The following DNER variants were observed in gnomAD, a reference collection of about 807,000 sequenced individuals.
DNER encodes the protein delta/notch like EGF repeat containing, also known as delta and Notch-like epidermal growth factor-related receptor.
Under a neutral mutation model 78.2 loss-of-function variants are expected in DNER, and 33 were observed. That is an observed-to-expected ratio of 0.42 (90% CI 0.32 to 0.56). The LOEUF (loss-of-function observed/expected upper bound fraction) is 0.56, where lower values mean the gene tolerates loss of function less well. DNER is among the 20% of genes least tolerant of loss of function. DNER has a pLI of 0.11. For missense variants in DNER, 918 were observed against 975.3 expected (o/e 0.94, Z 0.78); for synonymous variants, 417 against 384.8 (o/e 1.08, Z -0.98).
chr2:229,455,062 C>T lies in DNER; in HGVS notation c.1262-7522G>A, dbSNP rs150332520. On this transcript the variant is annotated intron_variant, in intron 7 of 12. Transcript: ENST00000341772. ...AGAAAAGGAATGCCAGACTTAAAGG[C>T]TGAGTCACTTTTGAGATGCTATTGC... Among the ~76,000 whole-genome samples the T allele has an allele frequency of 2.6e-3, 389 of 152,226 alleles. 6 individuals carry two copies. The highest frequency in any genetic ancestry group is 8.9e-3 in the African/African-American group (371 of 41,476).
chr2:229,521,336 T>C (rs1456516043), intron 5 of DNER, among the ~76,000 whole-genome samples: 1 of 152,154 alleles, frequency 6.6e-6, no homozygotes, highest in Non-Finnish European at 1.5e-5. Flanking sequence ...ACAGCATTGG[T>C]CAGGGTCTAG....
chr2:229,708,507 G>T (rs1474409046), intron 1 of DNER, among the ~76,000 whole-genome samples: 1 of 152,222 alleles, frequency 6.6e-6, no homozygotes, highest in Non-Finnish European at 1.5e-5. Flanking sequence ...CGGGTTTTCT[G>T]TTTGGTGGGG....
At chr2:229,373,730 C>T (rs578198330) in intron 11 of DNER, among the ~76,000 whole-genome samples, 6 of 152,240 alleles carry the variant, frequency 3.9e-5, no homozygotes, top group Admixed American at 3.3e-4. Flanking sequence ...AAATGTGGTA[C>T]ATATACAGCA....
chr2:229,576,805 G>A (rs912206641), intron 4 of DNER, among the ~76,000 whole-genome samples: 3 of 151,318 alleles, frequency 2.0e-5, no homozygotes, highest in African/African-American at 7.3e-5. Context: ...CAGCTACACG[G>A]AGAAGAACCA....
At chr2:229,445,625 G>C (rs1574846456) in intron 8 of DNER, among the ~76,000 whole-genome samples, 2 of 152,336 alleles carry the variant, frequency 1.3e-5, no homozygotes, top group South Asian at 2.1e-4. Flanking sequence ...TAAGGACAAA[G>C]ACTGAGGTTT....
At chr2:229,694,519 G>A (rs1026582388) in intron 1 of DNER, among the ~76,000 whole-genome samples, 1 of 152,220 alleles carries the variant, frequency 6.6e-6, no homozygotes, top group Non-Finnish European at 1.5e-5. Flanking sequence ...CACAGGGTCA[G>A]AGTGGCCCAA....
intron 7 of DNER, among the ~76,000 whole-genome samples, chr2:229,455,406 C>T (rs16826035): frequency 0.1 from 15,297 of 152,002 alleles, 1,820 homozygotes; most frequent in African/African-American, 0.28. Context: ...TCCCTTTAAA[C>T]GGTGGTTCTG....
chr2:229,435,118 A>G (rs1297565574), intron 8 of DNER, among the ~76,000 whole-genome samples: 1 of 152,176 alleles, frequency 6.6e-6, no homozygotes, highest in Non-Finnish European at 1.5e-5. Context: ...GGACATTGGC[A>G]AACAACAGAA....
At chr2:229,522,201 CA>C (rs1028650877) in intron 5 of DNER, among the ~76,000 whole-genome samples, 1 of 152,130 alleles carries the variant, frequency 6.6e-6, no homozygotes, top group Admixed American at 6.5e-5. Flanking sequence ...CTTTACTACC[CA>C]GGGGAGAAGA....
At chr2:229,391,064 G>A (rs73098254) in intron 10 of DNER, among the ~76,000 whole-genome samples, 4,472 of 152,250 alleles carry the variant, frequency 0.029, 95 homozygotes, top group African/African-American at 0.059. Context: ...CCTCAAGGGA[G>A]TTTTCAACCA....
At chr2:229,464,826 C>G (rs1694768905) in intron 7 of DNER, among the ~76,000 whole-genome samples, 1 of 152,012 alleles carries the variant, frequency 6.6e-6, no homozygotes, top group Non-Finnish European at 1.5e-5. Flanking sequence ...TGTGAGGGCC[C>G]CTATGAAGAA....
At chr2:229,361,768 A>G (rs560908527) in intron 12 of DNER, among the ~76,000 whole-genome samples, 2 of 152,266 alleles carry the variant, frequency 1.3e-5, no homozygotes, top group Admixed American at 1.3e-4. Flanking sequence ...AAATTGAGAA[A>G]ATACTCTGAA....
intron 5 of DNER, among the ~76,000 whole-genome samples, chr2:229,519,752 C>T (rs1258972708): frequency 6.6e-6 from 1 of 152,166 alleles, no homozygotes; most frequent in East Asian, 1.9e-4. Context: ...TAGGTCAAAA[C>T]TCTGGCTAAT....
chr2:229,527,889 T>A (rs1696237137), intron 5 of DNER, among the ~76,000 whole-genome samples: 1 of 152,168 alleles, frequency 6.6e-6, no homozygotes, highest in South Asian at 2.1e-4. Context: ...ATTTTGTATT[T>A]TAACCGCAAA....
chr2:229,585,661 A>C (rs6741893), intron 4 of DNER, among the ~76,000 whole-genome samples, 197 bp downstream of exon 4: 129,862 of 140,868 alleles, frequency 0.92, 59,837 homozygotes, highest in East Asian at 0.99. Context: ...CTCCATCATC[A>C]AAAAAAAAAA....
chr2:229,641,990 A>C (rs562270644), intron 1 of DNER, among the ~76,000 whole-genome samples: 91 of 152,330 alleles, frequency 6.0e-4, no homozygotes, highest in African/African-American at 2.1e-3. Context: ...GAAAGTAATC[A>C]GAGAAGGGAG....
At chr2:229,367,289 A>G (rs983727491) in intron 11 of DNER, among the ~76,000 whole-genome samples, 170 bp from the exon 12 acceptor site, 1 of 152,174 alleles carries the variant, frequency 6.6e-6, no homozygotes, top group African/African-American at 2.4e-5. Flanking sequence ...CTACATAAGG[A>G]CTTCTTAAGA....
intron 6 of DNER, among the ~76,000 whole-genome samples, chr2:229,483,873 G>T (rs1394129459): frequency 1.3e-5 from 2 of 152,098 alleles, no homozygotes; most frequent in Admixed American, 6.5e-5. Flanking sequence ...ACACATACTT[G>T]TTACCTCCCC....
chr2:229,712,424 T>C (rs1447691675), intron 1 of DNER, among the ~76,000 whole-genome samples: 1 of 152,214 alleles, frequency 6.6e-6, no homozygotes, highest in Non-Finnish European at 1.5e-5. Context: ...AAATTCCCAG[T>C]GAGTCTTTCT....
Sources: allele counts gnomAD v4.1 joint callset (sites outside exome capture counted in the v4.1 genomes callset), GRCh38; gene constraint gnomAD v4.1.1; transcripts MANE v1.5; gene names NCBI Gene and HGNC (gene_info 2026-07-23, HGNC 2026-07-21).